CPNE8: variants seen among roughly 807,000 people sequenced by gnomAD.
The protein encoded by CPNE8 is copine-8.
Under a neutral mutation model 81.5 loss-of-function variants are expected in CPNE8, and 45 were observed. That is an observed-to-expected ratio of 0.55 (90% CI 0.44 to 0.71). The LOEUF (loss-of-function observed/expected upper bound fraction) is 0.71, where lower values mean the gene tolerates loss of function less well. Among genes scored for constraint, CPNE8 ranks in the 30% least tolerant of loss-of-function variants. The pLI, the probability that CPNE8 is intolerant of heterozygous loss-of-function variation, is 0.00. For synonymous variants in CPNE8, 252 were observed against 226.3 expected, an observed-to-expected ratio of 1.11 and a Z score of -1.02; for missense variants, 594 against 672.1, an observed-to-expected ratio of 0.88 and a Z score of 1.28.
At chr12:38,896,626 A>T (rs1944392613) in intron 1 of CPNE8, among the ~76,000 whole-genome samples, 1 of 152,010 alleles carries the variant, frequency 6.6e-6, no homozygotes, top group Admixed American at 6.6e-5. Context: ...ATAGCAGACT[A>T]CCTCCTACCT....
chr12:38,799,875 C>G (rs183472856), intron 6 of CPNE8, among the ~76,000 whole-genome samples: 1,969 of 151,716 alleles, frequency 0.013, 50 homozygotes, highest in African/African-American at 0.044. Context: ...GTTCCCTTTC[C>G]GAGTCAAAGA....
In CPNE8 at chr12:38,682,793, GTGAC is replaced by G. The variant is rs1592007155; in HGVS notation, c.1271+2693_1271+2696del. Among the ~76,000 whole-genome samples the G allele has an allele frequency of 6.6e-5, 10 of 152,298 alleles. No individual in the cohort carries two copies. In the South Asian group the frequency reaches 2.1e-3, roughly 32 times the overall value. ...AGACCAGAAGAAGCAGAGATTCTCT[GTGAC>G]TGAAGTGCAGTACATTTGAGAGAAT... On this transcript the variant is annotated intron_variant, in intron 16 of 19. Coordinates refer to ENST00000331366, the MANE Select transcript of CPNE8 (RefSeq NM_153634.3).
At chr12:38,781,688 T>C (rs1942056319) in intron 6 of CPNE8, among the ~76,000 whole-genome samples, 1 of 152,144 alleles carries the variant, frequency 6.6e-6, no homozygotes, top group African/African-American at 2.4e-5. Flanking sequence ...TGTTGAACAA[T>C]TTCATGGTAA....
intron 6 of CPNE8, among the ~76,000 whole-genome samples, chr12:38,781,970 C>A (rs1942062892): frequency 6.6e-6 from 1 of 151,988 alleles, no homozygotes; most frequent in African/African-American, 2.4e-5. Context: ...AAGTGTACAT[C>A]CTGAAATGAA....
chr12:38,843,461 T>C (rs1705925504), intron 4 of CPNE8, among the ~76,000 whole-genome samples: 1 of 151,954 alleles, frequency 6.6e-6, no homozygotes. Context: ...GTAGGGAGGT[T>C]CTTTCCACTC....
intron 12 of CPNE8, among the ~76,000 whole-genome samples, 168 bp downstream of exon 12, chr12:38,724,678 T>G (rs532458991): frequency 1.4e-3 from 212 of 152,262 alleles, no homozygotes; most frequent in African/African-American, 4.9e-3. Context: ...TTGATTACAA[T>G]CTGTCCCCTG....
intron 6 of CPNE8, among the ~76,000 whole-genome samples, chr12:38,798,587 C>T (rs1942566639): frequency 6.6e-6 from 1 of 151,998 alleles, no homozygotes; most frequent in Non-Finnish European, 1.5e-5. Flanking sequence ...CCAGCCACTG[C>T]AAAAACATGC....
At chr12:38,850,324 A>C (rs1392923571) in intron 3 of CPNE8, among the ~76,000 whole-genome samples, 1 of 152,042 alleles carries the variant, frequency 6.6e-6, no homozygotes, top group African/African-American at 2.4e-5. Flanking sequence ...CCAAACTCAC[A>C]CTCAGAGAGA....
chr12:38,827,716 G>A (rs1170448486), intron 6 of CPNE8, among the ~76,000 whole-genome samples: 1 of 152,110 alleles, frequency 6.6e-6, no homozygotes, highest in Non-Finnish European at 1.5e-5. Flanking sequence ...AATTGACACA[G>A]GAACAGAAAA....
chr12:38,719,582 A>G (rs925528492), intron 13 of CPNE8, among the ~76,000 whole-genome samples: 1 of 102,652 alleles, frequency 9.7e-6, no homozygotes, highest in Non-Finnish European at 2.1e-5. Context: ...AGATTGTCTC[A>G]GGAAAAAAAA....
chr12:38,797,486 G>C (rs1476621346), intron 6 of CPNE8, among the ~76,000 whole-genome samples: 1 of 152,138 alleles, frequency 6.6e-6, no homozygotes, highest in African/African-American at 2.4e-5. Flanking sequence ...GCAGCTGAGG[G>C]TCCTGTCTGT....
chr12:38,732,006 G>A (rs1354149246), intron 10 of CPNE8, among the ~76,000 whole-genome samples: 1 of 151,664 alleles, frequency 6.6e-6, no homozygotes, highest in Non-Finnish European at 1.5e-5. Flanking sequence ...TGAGATAAAA[G>A]GTTCTATTAG....
At chr12:38,684,189 G>A (rs1367840731) in intron 16 of CPNE8, among the ~76,000 whole-genome samples, 2 of 152,162 alleles carry the variant, frequency 1.3e-5, no homozygotes. Context: ...TCAATATATA[G>A]TATATATGAC....
intron 6 of CPNE8, among the ~76,000 whole-genome samples, chr12:38,786,807 T>A (rs1942199338): frequency 2.0e-5 from 3 of 152,104 alleles, no homozygotes; most frequent in Admixed American, 6.6e-5. Context: ...TTTAAATACA[T>A]ACCCACCTAA....
At position 38,860,146 on chromosome 12, in the gene CPNE8, A is replaced by G. The variant is rs929204204; in HGVS notation, c.187-11484T>C. Among the ~76,000 whole-genome samples the G allele has an allele frequency of 2.0e-5, 3 of 152,096 alleles. No individual in the cohort carries two copies. The East Asian group carries it at 5.8e-4, about 29-fold the overall frequency. The stretch of plus-strand genomic sequence containing the variant: ...CAGAAGGAGAAAATATTTGTGTACC[A>G]TCTGATGAGGGATTAACAACCAATA... On this transcript the variant is annotated intron_variant, in intron 3 of 19. Transcript: ENST00000331366.
chr12:38,656,727 T>C (rs1215290885), intron 19 of CPNE8, among the ~76,000 whole-genome samples: 2 of 152,132 alleles, frequency 1.3e-5, no homozygotes, highest in Non-Finnish European at 1.5e-5. Context: ...CAAATTCTTC[T>C]CAAACTGTTT....
At chr12:38,709,054 G>GT (rs1940182519) in intron 13 of CPNE8, among the ~76,000 whole-genome samples, 1 of 152,168 alleles carries the variant, frequency 6.6e-6, no homozygotes, top group Admixed American at 6.5e-5. Context: ...CAAAAATGTA[G>GT]TTGGGATGCC....
At chr12:38,821,387 T>C (rs1943107214) in intron 6 of CPNE8, among the ~76,000 whole-genome samples, 1 of 152,216 alleles carries the variant, frequency 6.6e-6, no homozygotes, top group Non-Finnish European at 1.5e-5. Flanking sequence ...AAAACCTCTA[T>C]TATACTCAGA....
chr12:38,681,991 C>T (rs932756054), intron 16 of CPNE8, among the ~76,000 whole-genome samples: 4 of 152,088 alleles, frequency 2.6e-5, no homozygotes, highest in African/African-American at 9.7e-5. Context: ...GAGGCTGAGG[C>T]GGGTGGATCA....
Sources: allele counts gnomAD v4.1 joint callset (sites outside exome capture counted in the v4.1 genomes callset), GRCh38; gene constraint gnomAD v4.1.1; transcripts MANE v1.5; gene names NCBI Gene and HGNC (gene_info 2026-07-23, HGNC 2026-07-21).